Variants in VIRMA observed in about 807,000 individuals in gnomAD.
VIRMA encodes the protein vir like m6A methyltransferase associated.
VIRMA carries 65 observed loss-of-function variants against 182.4 expected under a neutral mutation model. The ratio of observed to expected loss-of-function variants is 0.36; its 90% CI spans 0.29 to 0.44. The LOEUF (loss-of-function observed/expected upper bound fraction) is 0.44, where lower values mean the gene tolerates loss of function less well. Among genes scored for constraint, VIRMA ranks in the 20% least tolerant of loss-of-function variants. The pLI, the probability that VIRMA is intolerant of heterozygous loss-of-function variation, is 1.00. For synonymous variants in VIRMA, 709 were observed against 743.1 expected (o/e 0.95, Z 0.75); for missense variants, 1,752 against 2,158.1 (o/e 0.81, Z 3.73).
rs754216698 is a variant in VIRMA, at chr8:94,509,845, G to A, written c.3722C>T (p.Ala1241Val). 2 of 1,613,574 alleles carry A rather than the reference G, an allele frequency of 1.2e-6. No individual in the cohort carries two copies. Among genetic ancestry groups the A allele is most frequent in the African/African-American group, 2.7e-5 (2 of 74,906 alleles). Residue 1241 changes from alanine to valine, a missense_variant, in exon 15 of 24, where the codon GCT becomes GTT. Around this residue, in one of 11 missense-constraint regions of VIRMA, gnomAD observed 777 missense variants for 920.6 expected, o/e 0.84. Coordinates refer to ENST00000297591, the MANE Select transcript of VIRMA (RefSeq NM_015496.5). The part of the protein sequence containing the change: ...ALASHKACKL[A>V]ILHLINGTIK... ...AGTTCCATTAATTAGATGCAAAATA[G>A]CTAATTTACAAGCTTTGTGTGAAGC...
chr8:94,547,825 G>A (rs1755069901), intron 1 of VIRMA, among the ~76,000 whole-genome samples: 1 of 147,936 alleles, frequency 6.8e-6, no homozygotes, highest in South Asian at 2.1e-4. Context: ...CTGAGGCCAA[G>A]AGTACGAGAC....
chr8:94,526,388 A>G lies in VIRMA; in HGVS notation c.1856T>C (p.Ile619Thr), dbSNP rs1057126526. Residue 619 changes from isoleucine (I) to threonine (T), a missense_variant, in exon 8 of 24, where the codon ATA becomes ACA. Physicochemically the swap from Ile to Thr is moderately conservative, Grantham distance 89. This residue lies in a region of VIRMA where 401 missense variants were observed against 455.1 expected (regional missense o/e 0.88). Transcript: ENST00000297591. Reference protein sequence around the residue: ...MDMDLLESSNISEGEIERLIN... With the variant: ...MDMDLLESSNTSEGEIERLIN... ...AAGCCTTTCTATTTCCCCTTCACTT[A>G]TATTTGAGGATTCCAAAAGATCCAT... 1.6e-5 allele frequency: 26 copies of G among 1,613,850 alleles called. No individual in the cohort carries two copies. Among genetic ancestry groups the G allele is most frequent in the Non-Finnish European group, 2.0e-5 (24 of 1,179,978 alleles).
chr8:94,549,181 T>C (rs574628603), intron 1 of VIRMA, among the ~76,000 whole-genome samples: 1 of 152,358 alleles, frequency 6.6e-6, no homozygotes, highest in Non-Finnish European at 1.5e-5. Flanking sequence ...ATTGGCCTTA[T>C]AAATGTGTAT....
rs532910005 is a variant in VIRMA, at chr8:94,501,866, G to A, written c.4098-2360C>T. ...TACTTGGAAGGTTGAGGCAGTGCAC[G>A]AAATTTCCATGCACTATTCAGTAGA... On this transcript the variant is annotated intron_variant, in intron 16 of 23. Transcript: ENST00000297591. Among the ~76,000 whole-genome samples the A allele has an allele frequency of 3.3e-5, 5 of 152,306 alleles. No individual in the cohort carries two copies. The East Asian group carries it at 7.7e-4, about 24-fold the overall frequency.
intron 1 of VIRMA, among the ~76,000 whole-genome samples, chr8:94,546,343 G>A (rs564928989): frequency 1.3e-5 from 2 of 150,992 alleles, no homozygotes; most frequent in South Asian, 2.1e-4. Flanking sequence ...TCCTACATTA[G>A]TGATGGCATC....
chr8:94,495,711 T>A lies in VIRMA; in HGVS notation c.4544+20A>T. On this transcript the variant is annotated intron_variant, in intron 19 of 23. Coordinates refer to ENST00000297591, the MANE Select transcript of VIRMA (RefSeq NM_015496.5). ...TTTAAAACCAACAGCTATTCAATCA[T>A]AAAACATTGTGTATTTTACCTATTG... is the stretch of plus-strand genomic sequence containing the variant. 1 of 1,606,066 alleles carries A rather than the reference T, an allele frequency of 6.2e-7. No homozygotes were observed. Among genetic ancestry groups the A allele is most frequent in the Non-Finnish European group, 8.5e-7 (1 of 1,175,880 alleles).
chr8:94,523,956 G>A lies in VIRMA; in HGVS notation c.2021+2267C>T, dbSNP rs563039617. ...TACGGGCACATTCCACCAAAGCCCG[G>A]CTAGTTTTTGTGTGTGTCTGTGTGT... On this transcript the variant is annotated intron_variant, in intron 8 of 23. Coordinates refer to ENST00000297591, the MANE Select transcript of VIRMA (RefSeq NM_015496.5). Among the ~76,000 whole-genome samples, 5 of 149,262 alleles carry A rather than the reference G, an allele frequency of 3.3e-5. No individual in the cohort carries two copies. The South Asian group carries it at 8.9e-4, about 27-fold the overall frequency.
chr8:94,524,793 C>T (rs945357355), intron 8 of VIRMA, among the ~76,000 whole-genome samples: 2 of 152,208 alleles, frequency 1.3e-5, no homozygotes, highest in Non-Finnish European at 2.9e-5. Flanking sequence ...TTTGCCAGAG[C>T]CCCATTTGCA....
intron 3 of VIRMA, among the ~76,000 whole-genome samples, chr8:94,537,782 A>C (rs1815392066): frequency 1.3e-5 from 2 of 152,138 alleles, no homozygotes; most frequent in Non-Finnish European, 2.9e-5. Context: ...CAGGTTTAAT[A>C]ATACCTAACC....
Position 94,534,891 on chromosome 8 carries a change from T to C in VIRMA, c.432A>G (p.Pro144=), listed in dbSNP as rs2304764. The C allele has an allele frequency of 1.2e-6, 2 of 1,610,886 alleles. No individual in the cohort carries two copies. Among genetic ancestry groups the C allele is most frequent in the Non-Finnish European group, 1.7e-6 (2 of 1,178,248 alleles). Residue 144 remains proline, a synonymous_variant, in exon 5 of 24, where the codon CCA becomes CCG. Coordinates refer to ENST00000297591, the MANE Select transcript of VIRMA (RefSeq NM_015496.5). ...GTTGTGGCTGGGGAGGTGGTGGCGG[T>C]GGAGGTGGTGGTGGTGGAGAGTCTC... ...HDRDSPPPPP[P]PPPPPQPQPS...
At chr8:94,507,509 C>T (rs1429695246) in intron 15 of VIRMA, among the ~76,000 whole-genome samples, 1 of 151,696 alleles carries the variant, frequency 6.6e-6, no homozygotes, top group African/African-American at 2.4e-5. Flanking sequence ...AATCCCAGCA[C>T]TTTCAGAGGC....
At chr8:94,493,893 A>C (rs982382224) in intron 20 of VIRMA, among the ~76,000 whole-genome samples, 1 of 152,180 alleles carries the variant, frequency 6.6e-6, no homozygotes, top group African/African-American at 2.4e-5. Context: ...GACTGCAATA[A>C]ATTTTAAATA....
intron 2 of VIRMA, among the ~76,000 whole-genome samples, chr8:94,538,919 A>G (rs1436123198): frequency 6.6e-6 from 1 of 151,418 alleles, no homozygotes; most frequent in Non-Finnish European, 1.5e-5. Flanking sequence ...CCTTCTTTTT[A>G]GAGACAGAGT....
intron 16 of VIRMA, among the ~76,000 whole-genome samples, chr8:94,502,865 T>TA (rs1287580629): frequency 1.3e-5 from 2 of 151,728 alleles, no homozygotes; most frequent in African/African-American, 4.8e-5. Context: ...ATATATAAAT[T>TA]AAAAAAGTCA....
At chr8:94,499,838 A>T (rs1358304735) in intron 16 of VIRMA, among the ~76,000 whole-genome samples, 1 of 151,534 alleles carries the variant, frequency 6.6e-6, no homozygotes, top group Non-Finnish European at 1.5e-5. Flanking sequence ...TGAGGTCAGG[A>T]GTTTAAGAGC....
chr8:94,493,929 C>T (rs1813686551), intron 20 of VIRMA, among the ~76,000 whole-genome samples: 1 of 152,186 alleles, frequency 6.6e-6, no homozygotes, highest in African/African-American at 2.4e-5. Flanking sequence ...ACCTATTCAG[C>T]ATTATGTTTA....
At chr8:94,493,640 C>G (rs1356482544) in intron 20 of VIRMA, among the ~76,000 whole-genome samples, 1 of 152,170 alleles carries the variant, frequency 6.6e-6, no homozygotes, top group Non-Finnish European at 1.5e-5. Context: ...AACCACTGAA[C>G]AGCTTGCACT....
At chr8:94,548,959 T>C (rs1815876689) in intron 1 of VIRMA, among the ~76,000 whole-genome samples, 1 of 112,288 alleles carries the variant, frequency 8.9e-6, no homozygotes, top group South Asian at 4.1e-4. Flanking sequence ...GTTTGCTATG[T>C]TGCCCAGGCT....
chr8:94,530,816 G>T, intron 6 of VIRMA, 147 bp downstream of exon 6: 1 of 692,514 alleles, frequency 1.4e-6, no homozygotes, highest in Non-Finnish European at 2.2e-6. Context: ...GGAGGCTGAG[G>T]TGAGAGGATC....
Sources: allele counts gnomAD v4.1 joint callset (sites outside exome capture counted in the v4.1 genomes callset), GRCh38; gene constraint gnomAD v4.1.1; regional missense constraint gnomAD v4.1.1; transcripts MANE v1.5; gene names NCBI Gene and HGNC (gene_info 2026-07-23, HGNC 2026-07-21).